Variants in MYCBP2 observed in about 807,000 individuals in gnomAD.
MYCBP2 encodes E3 ubiquitin-protein ligase MYCBP2.
Under a neutral mutation model 525.3 loss-of-function variants are expected in MYCBP2, and 120 were observed. That is an observed-to-expected ratio of 0.23 (90% CI 0.20 to 0.27). The LOEUF is 0.27. Ranked by LOEUF, MYCBP2 falls within the 10% of genes least tolerant of loss-of-function variation. The pLI is 1.00. For synonymous variants in MYCBP2, 1,894 were observed against 1,955.8 expected (o/e 0.97, Z 0.83); for missense variants, 4,149 against 5,657.1 (o/e 0.73, Z 8.55).
At chr13:77,077,954 T>C (rs973081410) in intron 66 of MYCBP2, 3 of 152,534 alleles carry the variant, frequency 2.0e-5, no homozygotes, top group African/African-American at 7.2e-5. Flanking sequence ...GATTAAATGT[T>C]AATATACTGT....
chr13:77,289,448 ATATAT>A (rs1259465064), intron 2 of MYCBP2, among the ~76,000 whole-genome samples: 1 of 152,146 alleles, frequency 6.6e-6, no homozygotes, highest in African/African-American at 2.4e-5. Flanking sequence ...CAGAGAAAAA[ATATAT>A]TATACTTCAA....
rs1008136213 is a variant in MYCBP2 at position 77,051,244 on chromosome 13, G to C, written c.13756-82C>G. On this transcript the variant is annotated intron_variant, in intron 81 of 82. Transcript: ENST00000544440. The stretch of plus-strand genomic sequence containing the variant: ...CTTAAGATAGGCATATACATAGACA[G>C]CTCCTTAATTCATATTTTGAGGGCC... 5.3e-5 allele frequency: 65 copies of C among 1,236,598 alleles called. 1 individual carries two copies. Among genetic ancestry groups the C allele is most frequent in the Non-Finnish European group, 5.3e-5 (48 of 899,592 alleles). 76.6% of individuals were successfully genotyped at this position (1,236,598 alleles called of 1,614,324 possible).
chr13:77,180,402 T>C (rs2060108099), intron 33 of MYCBP2, 84 bp from the exon 34 acceptor site: 1 of 1,184,320 alleles, frequency 8.4e-7, no homozygotes. Flanking sequence ...GTCTTTCTGA[T>C]ACTCTTAAAA....
At chr13:77,247,979 C>T (rs531020908) in intron 15 of MYCBP2, among the ~76,000 whole-genome samples, 9 of 151,582 alleles carry the variant, frequency 5.9e-5, no homozygotes, top group South Asian at 2.1e-4. Context: ...CATCACACAC[C>T]GGGGCCTGTT....
intron 30 of MYCBP2, among the ~76,000 whole-genome samples, chr13:77,188,280 T>C (rs1292507340): frequency 1.3e-5 from 2 of 152,272 alleles, no homozygotes; most frequent in Non-Finnish European, 2.9e-5. Context: ...ATTTTACTAA[T>C]ATGAAAGACT....
intron 52 of MYCBP2, among the ~76,000 whole-genome samples, chr13:77,136,944 ATCTT>A (rs1405790279): frequency 6.6e-6 from 1 of 152,002 alleles, no homozygotes; most frequent in Non-Finnish European, 1.5e-5. Flanking sequence ...TTCTACTAGT[ATCTT>A]TCTTTTAACT....
At chr13:77,158,205 C>A in intron 44 of MYCBP2, 96 bp from the exon 45 acceptor site, 3 of 676,746 alleles carry the variant, frequency 4.4e-6, no homozygotes, top group Non-Finnish European at 6.6e-6. Flanking sequence ...TAGGCCTTTA[C>A]GGAGAAATCA....
intron 4 of MYCBP2, among the ~76,000 whole-genome samples, chr13:77,275,460 T>C (rs543159499): frequency 2.8e-4 from 42 of 152,284 alleles, no homozygotes; most frequent in African/African-American, 9.6e-4. Flanking sequence ...AGAGCACTTA[T>C]AATCGAATTC....
At chr13:77,150,630 C>G (rs1482392413) in intron 47 of MYCBP2, 104 bp downstream of exon 47, 1 of 864,506 alleles carries the variant, frequency 1.2e-6, no homozygotes, top group African/African-American at 1.7e-5. Context: ...CCATCAAATG[C>G]TCTTTGGACT....
chr13:77,131,593 CATTCAGGAAA>C (rs1235012939), intron 52 of MYCBP2, among the ~76,000 whole-genome samples: 2 of 151,820 alleles, frequency 1.3e-5, no homozygotes, highest in East Asian at 1.9e-4. Flanking sequence ...AAGATATGAA[CATTCAGGAAA>C]ATGTTAATTT....
rs78557367 is a variant in MYCBP2, at chr13:77,102,607, T to C, written c.8141-3594A>G. Among the ~76,000 whole-genome samples the C allele has an allele frequency of 9.3e-3, 1,405 of 151,570 alleles. 11 individuals are homozygous for C. Among genetic ancestry groups the C allele is most frequent in the Middle Eastern group, 0.027 (5 of 186 alleles). On this transcript the variant is annotated intron_variant, in intron 55 of 82. Coordinates refer to ENST00000544440, the MANE Select transcript of MYCBP2 (RefSeq NM_015057.5). ...TGTCTGAAATTTTGTCAATTGTCAA[T>C]AGTTTAAACATTTCTAAGTTTAAAA...
chr13:77,206,929 G>T, intron 23 of MYCBP2, 104 bp from the exon 24 acceptor site: 1 of 984,302 alleles, frequency 1.0e-6, no homozygotes. Flanking sequence ...AATATAGTCA[G>T]CTTAAAGAGG....
chr13:77,206,629 T>C (rs1325586694), intron 24 of MYCBP2, 24 bp downstream of exon 24: 3 of 1,538,268 alleles, frequency 2.0e-6, no homozygotes, highest in Non-Finnish European at 2.6e-6. Flanking sequence ...TGTGAATTAA[T>C]GGTACATCAA....
chr13:77,047,105 G>A (rs1288507721), intron 82 of MYCBP2, among the ~76,000 whole-genome samples: 1 of 152,184 alleles, frequency 6.6e-6, no homozygotes, highest in Admixed American at 6.5e-5. Flanking sequence ...AAGATGAAAA[G>A]TGCATGGCTC....
At chr13:77,136,514 C>CA (rs767777896) in intron 52 of MYCBP2, among the ~76,000 whole-genome samples, 37 of 152,274 alleles carry the variant, frequency 2.4e-4, no homozygotes, top group Admixed American at 7.8e-4. Flanking sequence ...AGCAGCTCAG[C>CA]AACTAGTACT....
intron 55 of MYCBP2, among the ~76,000 whole-genome samples, chr13:77,108,633 C>T (rs557736583): frequency 6.6e-6 from 1 of 151,968 alleles, no homozygotes; most frequent in Non-Finnish European, 1.5e-5. Context: ...GAGAAAGAGA[C>T]AACGCTTACG....
intron 5 of MYCBP2, among the ~76,000 whole-genome samples, chr13:77,271,096 T>C (rs1240921198): frequency 6.6e-6 from 1 of 152,200 alleles, no homozygotes; most frequent in Non-Finnish European, 1.5e-5. Context: ...AATCATACTT[T>C]TGATATTTTC....
At chr13:77,288,113 A>T (rs761083428) in intron 3 of MYCBP2, 48 bp downstream of exon 3, 1 of 1,574,900 alleles carries the variant, frequency 6.3e-7, no homozygotes, top group South Asian at 1.1e-5. Context: ...TATAGCCAGA[A>T]CACCTGCAGG....
chr13:77,191,554 G>T, intron 28 of MYCBP2, 125 bp downstream of exon 28: 1 of 1,097,236 alleles, frequency 9.1e-7, no homozygotes, highest in Non-Finnish European at 1.3e-6. Flanking sequence ...TTAATTTTTA[G>T]CAGTTATATT....
Sources: gnomAD v4.1 joint callset for allele counts (sites outside exome capture counted in the v4.1 genomes callset) on GRCh38, gnomAD v4.1.1 for gene constraint, MANE v1.5 for transcripts, NCBI Gene and HGNC (gene_info 2026-07-23, HGNC 2026-07-21) for gene names.